DHRS7: variants seen among roughly 807,000 people sequenced by gnomAD.
The protein encoded by DHRS7 is dehydrogenase/reductase 7.
Under a neutral mutation model 38.9 loss-of-function variants are expected in DHRS7, and 34 were observed. The ratio of observed to expected loss-of-function variants is 0.87; its 90% CI spans 0.66 to 1.16. The LOEUF is 1.16. Ranked by LOEUF, DHRS7 falls within the 50% of genes most tolerant of loss-of-function variation. The pLI is 0.00. For synonymous variants in DHRS7, 158 were observed against 153.1 expected, an observed-to-expected ratio of 1.03 and a Z score of -0.24; for missense variants, 421 against 407.0, an observed-to-expected ratio of 1.03 and a Z score of -0.30.
chr14:60,159,263 C>G, intron 1 of DHRS7: 1 of 417,800 alleles, frequency 2.4e-6, no homozygotes, highest in South Asian at 2.0e-5. Context: ...TTAGACAATA[C>G]ACAGAAAATT....
rs1896588832 is a variant in DHRS7, at chr14:60,153,299, T to A, written c.394-121A>T. ...AGAATCAATGGAACAATGGTATATTTCCAGAAGTCAGCAATTAAAAAGATA... is the reference window on the plus strand; with the variant it reads ...AGAATCAATGGAACAATGGTATATTACCAGAAGTCAGCAATTAAAAAGATA... On this transcript the variant is annotated intron_variant, in intron 3 of 6. Coordinates refer to ENST00000557185, the MANE Select transcript of DHRS7 (RefSeq NM_016029.4). The surrounding 1 kb of genome is among the most constrained non-coding windows in gnomAD (Gnocchi z 4.4). 5 of 1,177,360 alleles carry A rather than the reference T, an allele frequency of 4.2e-6. No homozygotes were observed. Among genetic ancestry groups the A allele is most frequent in the Non-Finnish European group, 5.9e-6 (5 of 849,582 alleles). 72.9% of individuals were successfully genotyped at this position (1,177,360 alleles called of 1,614,324 possible). A position where few individuals can be genotyped will look rare whatever the true frequency, so the allele number is the denominator to read the frequency against.
chr14:60,149,352 C>T lies in DHRS7; in HGVS notation c.972+1G>A, dbSNP rs138163363. ...TTAAGAAACTTAGAAATTGGTCTTA[C>T]CACACCACTCTTAAAGTTCTCAATC... On this transcript the variant is annotated splice_donor_variant, in intron 6 of 6. Coordinates refer to ENST00000557185, the MANE Select transcript of DHRS7 (RefSeq NM_016029.4). LOFTEE classifies it high-confidence loss of function. 416 of 1,613,484 alleles carry T rather than the reference C, an allele frequency of 2.6e-4. 1 individual carries two copies. The highest frequency in any genetic ancestry group is 1.8e-3 in the Middle Eastern group (11 of 6,060).
chr14:60,155,885 TA>T (rs1203333653), intron 2 of DHRS7, 114 bp downstream of exon 2: 4 of 1,098,852 alleles, frequency 3.6e-6, no homozygotes, highest in Non-Finnish European at 4.9e-6. Flanking sequence ...ATGAAGCATG[TA>T]GAACATTTGG....
At position 60,144,198 on chromosome 14, in the gene DHRS7, C is replaced by G. The variant is rs1157392804; in HGVS notation, c.*768G>C. 6.6e-6 allele frequency: 1 copy of G among 152,274 alleles called. No homozygotes were observed. Among genetic ancestry groups the G allele is most frequent in the Non-Finnish European group, 1.5e-5 (1 of 68,090 alleles). 9.4% of individuals were successfully genotyped at this position (152,274 alleles called of 1,614,324 possible). Reference sequence around the variant, plus strand: ...ACCTGCTGCTTCAAATTACAGCCATCTGTACCTGTCAACTTTTCTAAGAGT... The same window carrying G: ...ACCTGCTGCTTCAAATTACAGCCATGTGTACCTGTCAACTTTTCTAAGAGT... On this transcript the variant is annotated 3_prime_UTR_variant, in exon 7 of 7. Coordinates refer to ENST00000557185, the MANE Select transcript of DHRS7 (RefSeq NM_016029.4).
At chr14:60,152,393 G>T (rs448113) in intron 4 of DHRS7, among the ~76,000 whole-genome samples, 41,425 of 152,126 alleles carry the variant, frequency 0.27, 7,670 homozygotes, top group African/African-American at 0.52. Flanking sequence ...ATACAGTCAA[G>T]ATTTTTCCCA....
chr14:60,159,291 GT>G, intron 1 of DHRS7: 1 of 428,410 alleles, frequency 2.3e-6, no homozygotes, highest in Non-Finnish European at 4.3e-6. Context: ...AGCTTCTAGT[GT>G]TTTTCAAACA....
chr14:60,156,262 G>C (rs1310801394), intron 1 of DHRS7, 110 bp from the exon 2 acceptor site: 6 of 930,784 alleles, frequency 6.4e-6, no homozygotes, highest in Non-Finnish European at 7.3e-6. Context: ...AAATATGAAG[G>C]CATGATGTAT....
At chr14:60,166,405 T>C, upstream of DHRS7, 2 of 266,952 alleles carry the variant, frequency 7.5e-6, no homozygotes, top group Non-Finnish European at 1.2e-5. Flanking sequence ...CTAGAGTACT[T>C]TGTGTGCTCT....
chr14:60,150,600 A>C (rs1896523799), intron 4 of DHRS7, among the ~76,000 whole-genome samples: 1 of 152,084 alleles, frequency 6.6e-6, no homozygotes, highest in African/African-American at 2.4e-5. Context: ...GTTTGCTGAG[A>C]ATGATGGTTT....
In DHRS7 at chr14:60,146,513, T is replaced by C. The variant is rs775703119; in HGVS notation, c.973-1500A>G. The C allele has an allele frequency of 1.3e-5, 2 of 152,192 alleles. No individual in the cohort carries two copies. The highest frequency in any genetic ancestry group is 2.9e-5 in the Non-Finnish European group (2 of 68,038). 9.4% of individuals were successfully genotyped at this position (152,192 alleles called of 1,614,324 possible). On this transcript the variant is annotated intron_variant, in intron 6 of 6. Coordinates refer to ENST00000557185, the MANE Select transcript of DHRS7 (RefSeq NM_016029.4). The surrounding 1 kb of genome is among the most constrained non-coding windows in gnomAD (Gnocchi z 4.9). ...AATTAAAAATAGAATTACCATCTGA[T>C]CCAGCAATTCCACTTAAGGGTATAA...
intron 1 of DHRS7, among the ~76,000 whole-genome samples, chr14:60,160,293 GCAACAA>G (rs1896738116): frequency 6.7e-6 from 1 of 150,250 alleles, no homozygotes; most frequent in Non-Finnish European, 1.5e-5. Context: ...TCCAGCCTGG[GCAACAA>G]AGTGAGACTC....
At position 60,153,942 on chromosome 14, in the gene DHRS7, T is replaced by G; in HGVS notation, c.393+17A>C. 6.2e-7 allele frequency: 1 copy of G among 1,601,164 alleles called. No homozygotes were observed. Among genetic ancestry groups the G allele is most frequent in the Non-Finnish European group, 8.6e-7 (1 of 1,168,404 alleles). ...TTACTTCAAAGCAAGACTATATCAA[T>G]ATAAGATGCTACTTACTCTACCAAA... On this transcript the variant is annotated intron_variant, in intron 3 of 6. Coordinates refer to ENST00000557185, the MANE Select transcript of DHRS7 (RefSeq NM_016029.4). This position sits in a 1 kb window ranked among gnomAD's most constrained non-coding sequence, Gnocchi z 4.4.
At chr14:60,156,302 G>T in intron 1 of DHRS7, 150 bp from the exon 2 acceptor site, 1 of 552,060 alleles carries the variant, frequency 1.8e-6, no homozygotes, top group Non-Finnish European at 2.7e-6. Context: ...TTCTAAGAAA[G>T]CATCTCCTTC....
intron 6 of DHRS7, chr14:60,147,751 A>T (rs552974790): frequency 2.2e-4 from 33 of 152,298 alleles, no homozygotes; most frequent in African/African-American, 7.9e-4. Context: ...TAGAGAAGTA[A>T]CTTGCTTTAA....
Position 60,149,476 on chromosome 14 carries a change from T to G in DHRS7, c.849A>C (p.Glu283Asp), listed in dbSNP as rs1461756815. ...AGAAAGGTTGTTCTGAGATCCAAAC[T>G]TCTTTCAAATCATTGGCCATGCTGA... ...MLISMANDLK[E>D]VWISEQPFLL... The change falls in exon 6 of 7, where the codon GAA (glutamate) becomes GAC (aspartate). Residue 283 changes from glutamate (E) to aspartate (D), a missense_variant. Glu to Asp is a conservative substitution (Grantham distance 45, BLOSUM62 2). Coordinates refer to ENST00000557185, the MANE Select transcript of DHRS7 (RefSeq NM_016029.4). The G allele has an allele frequency of 6.2e-7, 1 of 1,614,208 alleles. No individual in the cohort carries two copies. Among genetic ancestry groups the G allele is most frequent in the Admixed American group, 1.7e-5 (1 of 60,014 alleles).
chr14:60,144,889 T>C lies in DHRS7; in HGVS notation c.*77A>G. The C allele has an allele frequency of 8.2e-7, 1 of 1,216,124 alleles. No homozygotes were observed. The highest frequency in any genetic ancestry group is 1.2e-6 in the Non-Finnish European group (1 of 824,632). 75.3% of individuals were successfully genotyped at this position (1,216,124 alleles called of 1,614,324 possible). On this transcript the variant is annotated 3_prime_UTR_variant, in exon 7 of 7. Transcript: ENST00000557185. ...AAATCACAAATTAGTCTTTGATTAT[T>C]CAGAAGCATAAGAAGATTGCTGTTT... is the stretch of plus-strand genomic sequence containing the variant.
chr14:60,153,213 G>T lies in DHRS7; in HGVS notation c.394-35C>A, dbSNP rs1566532222. On this transcript the variant is annotated intron_variant, in intron 3 of 6. Coordinates refer to ENST00000557185, the MANE Select transcript of DHRS7 (RefSeq NM_016029.4). This position sits in a 1 kb window ranked among gnomAD's most constrained non-coding sequence, Gnocchi z 4.4. ...TAAAATCAGAAAAGGGGTGTTTGGG[G>T]GATGTCTTGTGGATAGATTGATGGA... is the stretch of plus-strand genomic sequence containing the variant. The T allele has an allele frequency of 2.5e-5, 41 of 1,611,982 alleles. No homozygotes were observed. Among genetic ancestry groups the T allele is most frequent in the Non-Finnish European group, 3.5e-5 (41 of 1,178,782 alleles).
chr14:60,150,235 C>T (rs1203655347), intron 4 of DHRS7, 48 bp from the exon 5 acceptor site: 1 of 1,415,638 alleles, frequency 7.1e-7, no homozygotes, highest in East Asian at 2.5e-5. Context: ...TAAATACAGA[C>T]ACATATCTCA....
Position 60,153,907 on chromosome 14 carries a change from T to C in DHRS7, c.393+52A>G. 1 of 1,517,160 alleles carries C rather than the reference T, an allele frequency of 6.6e-7. No individual in the cohort carries two copies. The allele number at this position is 1,517,160 out of a possible 1,614,324, so 94.0% of individuals were successfully genotyped here. A position where few individuals can be genotyped will look rare whatever the true frequency, so the allele number is the denominator to read the frequency against. On this transcript the variant is annotated intron_variant, in intron 3 of 6. Transcript: ENST00000557185. This position sits in a 1 kb window ranked among gnomAD's most constrained non-coding sequence, Gnocchi z 4.4. ...TATGACAGCACCACGGATGGGAATC[T>C]CTTCTGCAGTTACTTCAAAGCAAGA...
Sources: allele counts gnomAD v4.1 joint callset (sites outside exome capture counted in the v4.1 genomes callset), GRCh38; gene constraint gnomAD v4.1.1; non-coding constraint Gnocchi (gnomAD v3.1); transcripts MANE v1.5; gene names NCBI Gene and HGNC (gene_info 2026-07-23, HGNC 2026-07-21).